SPOCK3: variants seen among roughly 807,000 people sequenced by gnomAD.
SPOCK3 encodes the protein SPARC (osteonectin), cwcv and kazal like domains proteoglycan 3.
A neutral mutation model predicts 56.6 loss-of-function variants in SPOCK3; 30 were observed. The ratio of observed to expected loss-of-function variants is 0.53; its 90% CI spans 0.40 to 0.72. SPOCK3 has a LOEUF of 0.72. SPOCK3 is among the 30% of genes least tolerant of loss of function. The pLI, the probability that SPOCK3 is intolerant of heterozygous loss-of-function variation, is 0.00. For synonymous variants in SPOCK3, 196 were observed against 183.3 expected (o/e 1.07, Z -0.56); for missense variants, 527 against 530.0 (o/e 0.99, Z 0.06).
rs563916434 is a variant in SPOCK3 at position 167,058,207 on chromosome 4, A to G, written c.235+4285T>C. On this transcript the variant is annotated intron_variant, in intron 3 of 10. Coordinates refer to ENST00000357545, the MANE Select transcript of SPOCK3 (RefSeq NM_001040159.2). ...TTCAATTAGGAAAAGAGGAAGTCAAATTGTCCCTGTTTGCAGATGACATGA... is the reference window on the plus strand; with the variant it reads ...TTCAATTAGGAAAAGAGGAAGTCAAGTTGTCCCTGTTTGCAGATGACATGA... Among the ~76,000 whole-genome samples the G allele has an allele frequency of 2.0e-5, 3 of 152,274 alleles. No homozygotes were observed. The South Asian group carries it at 6.2e-4, about 32-fold the overall frequency.
intron 3 of SPOCK3, among the ~76,000 whole-genome samples, chr4:167,024,673 T>C (rs1329661396): frequency 1.3e-5 from 2 of 151,908 alleles, no homozygotes; most frequent in African/African-American, 2.4e-5. Context: ...ATGAGAATAA[T>C]ACAATAGACT....
chr4:167,187,285 T>C (rs1038377348), intron 2 of SPOCK3, among the ~76,000 whole-genome samples: 2 of 151,292 alleles, frequency 1.3e-5, no homozygotes, highest in Admixed American at 6.6e-5. Flanking sequence ...TTTTTTTTTT[T>C]CCACTCTCAA....
chr4:166,818,849 C>T (rs1240000842), intron 6 of SPOCK3, among the ~76,000 whole-genome samples: 6 of 151,844 alleles, frequency 4.0e-5, no homozygotes, highest in African/African-American at 7.2e-5. Flanking sequence ...CAGAACCTTG[C>T]GAATTTTCTA....
chr4:167,163,166 A>T (rs1316276204), intron 2 of SPOCK3, among the ~76,000 whole-genome samples: 20 of 127,834 alleles, frequency 1.6e-4, no homozygotes, highest in African/African-American at 2.4e-4. Context: ...TTGTTGGGGG[A>T]TTTTTTTTTT....
chr4:166,840,391 A>G (rs374382488), intron 6 of SPOCK3, among the ~76,000 whole-genome samples: 1 of 152,212 alleles, frequency 6.6e-6, no homozygotes, highest in African/African-American at 2.4e-5. Flanking sequence ...ATTTAGATGC[A>G]AGAGAGCAAT....
chr4:167,121,890 AGTG>A (rs564922393), intron 2 of SPOCK3, among the ~76,000 whole-genome samples: 1,844 of 152,296 alleles, frequency 0.012, 20 homozygotes, highest in Non-Finnish European at 0.018. Context: ...AACTATTATA[AGTG>A]TCATACATAA....
At chr4:166,819,214 A>C (rs527635022) in intron 6 of SPOCK3, among the ~76,000 whole-genome samples, 9 of 152,172 alleles carry the variant, frequency 5.9e-5, no homozygotes, top group Non-Finnish European at 1.0e-4. Context: ...AATGAGAGGG[A>C]GCTTCCTCAA....
chr4:167,158,781 A>G (rs1400698406), intron 2 of SPOCK3, among the ~76,000 whole-genome samples: 1 of 152,026 alleles, frequency 6.6e-6, no homozygotes, highest in African/African-American at 2.4e-5. Context: ...TGAACTTATA[A>G]TTGAAATCTT....
chr4:166,941,978 G>A (rs1033880450), intron 4 of SPOCK3, among the ~76,000 whole-genome samples: 1 of 152,132 alleles, frequency 6.6e-6, no homozygotes, highest in Admixed American at 6.5e-5. Flanking sequence ...TAGAAACTGA[G>A]ATGAGTATTT....
At chr4:166,786,819 T>C (rs1740776757) in intron 7 of SPOCK3, among the ~76,000 whole-genome samples, 1 of 152,152 alleles carries the variant, frequency 6.6e-6, no homozygotes, top group African/African-American at 2.4e-5. Flanking sequence ...CTTTACTGGA[T>C]TGTACCTATG....
rs764800332 is a variant in SPOCK3 at position 167,116,653 on chromosome 4, C to CGTATATACTATATAGT, written c.190-54117_190-54116insACTATATAGTATATAC. 1.5e-4 allele frequency among the ~76,000 whole-genome samples: 11 copies of CGTATATACTATATAGT among 71,418 alleles called. 1 individual carries two copies. The highest frequency in any genetic ancestry group is 0.026 in the Middle Eastern group (2 of 78). 46.9% of individuals were successfully genotyped at this position (71,418 alleles called of 152,430 possible). A position where few individuals can be genotyped will look rare whatever the true frequency, so the allele number is the denominator to read the frequency against. On this transcript the variant is annotated intron_variant, in intron 2 of 10. Coordinates refer to ENST00000357545, the MANE Select transcript of SPOCK3 (RefSeq NM_001040159.2). ...TATACTATATACGTATATATATACA[C>CGTATATACTATATAGT]ATATATACGTATATAGTATATATGT... is the stretch of plus-strand genomic sequence containing the variant.
chr4:167,203,387 T>C (rs1213962736), intron 2 of SPOCK3, among the ~76,000 whole-genome samples: 4 of 151,980 alleles, frequency 2.6e-5, no homozygotes, highest in African/African-American at 9.7e-5. Flanking sequence ...GACTTTTGGA[T>C]GCCATTACAG....
At chr4:167,224,268 G>T (rs938735829) in intron 2 of SPOCK3, among the ~76,000 whole-genome samples, 10 of 151,862 alleles carry the variant, frequency 6.6e-5, no homozygotes, top group Non-Finnish European at 1.3e-4. Context: ...ATAGTTAGCT[G>T]GAATTTTCAG....
chr4:166,882,524 A>G (rs1733785618), intron 6 of SPOCK3, among the ~76,000 whole-genome samples: 1 of 152,196 alleles, frequency 6.6e-6, no homozygotes. Context: ...TTGTCTTAAA[A>G]GAACATGCCA....
At chr4:167,151,496 A>T (rs1450463933) in intron 2 of SPOCK3, among the ~76,000 whole-genome samples, 1 of 142,568 alleles carries the variant, frequency 7.0e-6, no homozygotes. Context: ...GTGCAGTGGC[A>T]TGATCTCGAC....
At chr4:166,933,521 C>T (rs73861907) in intron 4 of SPOCK3, among the ~76,000 whole-genome samples, 3,818 of 152,242 alleles carry the variant, frequency 0.025, 144 homozygotes, top group African/African-American at 0.086. Context: ...AATCTCAATT[C>T]TCTTTCCAAA....
rs1035586180 is a variant in SPOCK3, at chr4:167,109,661, T to G, written c.190-47124A>C. ...CTAATACCTCTTGGTCTTACTTGTT[T>G]TACAAAGAGAAACTCTTGAAGCATA... On this transcript the variant is annotated intron_variant, in intron 2 of 10. Coordinates refer to ENST00000357545, the MANE Select transcript of SPOCK3 (RefSeq NM_001040159.2). Among the ~76,000 whole-genome samples the G allele has an allele frequency of 2.0e-5, 3 of 147,582 alleles. No homozygotes were observed. In the South Asian group the frequency reaches 6.3e-4, roughly 31 times the overall value.
chr4:167,109,886 G>T (rs1439261067), intron 2 of SPOCK3, among the ~76,000 whole-genome samples: 1 of 151,702 alleles, frequency 6.6e-6, no homozygotes, highest in East Asian at 1.9e-4. Context: ...CATTTTCTAT[G>T]TTCCTTACCA....
intron 6 of SPOCK3, among the ~76,000 whole-genome samples, chr4:166,880,031 C>T (rs753972571): frequency 6.6e-6 from 1 of 152,244 alleles, no homozygotes; most frequent in East Asian, 1.9e-4. Context: ...CCTGCAGAAC[C>T]GTGAGCCAAT....
Sources: gnomAD v4.1 joint callset for allele counts (sites outside exome capture counted in the v4.1 genomes callset) on GRCh38, gnomAD v4.1.1 for gene constraint, MANE v1.5 for transcripts, NCBI Gene and HGNC (gene_info 2026-07-23, HGNC 2026-07-21) for gene names.